Variants in KLC1 observed in about 807,000 individuals in gnomAD.
KLC1 encodes the protein kinesin light chain 1.
In KLC1, 30 loss-of-function variants were observed where a neutral mutation model predicts 84.2. The ratio of observed to expected loss-of-function variants is 0.36; its 90% confidence interval spans 0.27 to 0.48. The LOEUF (loss-of-function observed/expected upper bound fraction) is 0.48, where lower values mean the gene tolerates loss of function less well. Among genes scored for constraint, KLC1 ranks in the 20% least tolerant of loss-of-function variants. KLC1 has a pLI of 0.99. For synonymous variants in KLC1, 289 were observed against 293.3 expected (o/e 0.99, Z 0.15); for missense variants, 499 against 805.4 (o/e 0.62, Z 4.60).
Position 103,694,909 on chromosome 14 carries a change from C to T in KLC1, c.1848+2484C>T, listed in dbSNP as rs750331559. Reference sequence around the variant, plus strand: ...CGCAGGACTGCTGTGTTTGTGAAAGCGCGTTTGTTTCCACAAGACAAGCTC... The same window carrying T: ...CGCAGGACTGCTGTGTTTGTGAAAGTGCGTTTGTTTCCACAAGACAAGCTC... On this transcript the variant is annotated intron_variant, in intron 15 of 16. Coordinates refer to ENST00000334553, the MANE Select transcript of KLC1 (RefSeq NM_001394837.1). The surrounding 1 kb of genome is among the most constrained non-coding windows in gnomAD (Gnocchi z 4.5). 1.3e-5 allele frequency: 13 copies of T among 985,478 alleles called. No individual in the cohort carries two copies. The highest frequency in any genetic ancestry group is 1.7e-5 in the African/African-American group (1 of 57,366). The allele number at this position is 985,478 out of a possible 1,614,324, so 61.0% of individuals were successfully genotyped here. A position where few individuals can be genotyped will look rare whatever the true frequency, so the allele number is the denominator to read the frequency against.
At chr14:103,687,018 G>T in intron 13 of KLC1, 63 bp from the exon 14 acceptor site, 2 of 1,406,282 alleles carry the variant, frequency 1.4e-6, no homozygotes, top group Non-Finnish European at 1.9e-6. Flanking sequence ...TGCACCCGGT[G>T]TGGCTCTTGT....
chr14:103,629,810 C>T (rs1157267529), intron 1 of KLC1, among the ~76,000 whole-genome samples: 1 of 152,136 alleles, frequency 6.6e-6, no homozygotes, highest in African/African-American at 2.4e-5. Context: ...GCCCAGGGCC[C>T]CGCCCTGGCC....
intron 14 of KLC1, among the ~76,000 whole-genome samples, chr14:103,688,389 G>T (rs1465424825): frequency 2.0e-5 from 3 of 152,130 alleles, no homozygotes; most frequent in Non-Finnish European, 2.9e-5. Flanking sequence ...GACTTCAGGT[G>T]ATCTTCCCGT....
chr14:103,697,068 T>G, intron 15 of KLC1: 3 of 985,478 alleles, frequency 3.0e-6, no homozygotes, highest in Non-Finnish European at 3.6e-6. Flanking sequence ...TCTCATTTTC[T>G]AATCGCTGGC....
chr14:103,658,321 C>T (rs1299390622), intron 3 of KLC1, among the ~76,000 whole-genome samples: 1 of 152,056 alleles, frequency 6.6e-6, no homozygotes, highest in Non-Finnish European at 1.5e-5. Context: ...AGTGCAATGG[C>T]ACAATCTTGG....
intron 1 of KLC1, among the ~76,000 whole-genome samples, chr14:103,640,509 C>T (rs1282057470): frequency 2.6e-5 from 4 of 152,000 alleles, no homozygotes; most frequent in South Asian, 2.1e-4. Context: ...CACAGGCGCC[C>T]GCCACCACGC....
chr14:103,648,530 C>T (rs1375643444), intron 1 of KLC1, among the ~76,000 whole-genome samples: 1 of 151,968 alleles, frequency 6.6e-6, no homozygotes, highest in Non-Finnish European at 1.5e-5. Flanking sequence ...TGCCTGTAAT[C>T]GCAGCACTTT....
chr14:103,652,919 C>A (rs1595360987), intron 1 of KLC1, among the ~76,000 whole-genome samples: 1 of 152,192 alleles, frequency 6.6e-6, no homozygotes, highest in Admixed American at 6.6e-5. Context: ...AAAAGAAAAT[C>A]ATTTTTCCAG....
intron 1 of KLC1, among the ~76,000 whole-genome samples, chr14:103,651,271 G>C (rs571483674): frequency 6.6e-6 from 1 of 152,192 alleles, no homozygotes; most frequent in Non-Finnish European, 1.5e-5. Flanking sequence ...GCCTCCCAGA[G>C]TGCTAGGATT....
chr14:103,686,379 C>A, intron 13 of KLC1: 1 of 204,762 alleles, frequency 4.9e-6, no homozygotes, highest in Non-Finnish European at 8.6e-6. Context: ...ATCTTCTTCA[C>A]TCTGTGTTTT....
At chr14:103,651,803 C>A (rs1276962209) in intron 1 of KLC1, among the ~76,000 whole-genome samples, 1 of 152,192 alleles carries the variant, frequency 6.6e-6, no homozygotes, top group African/African-American at 2.4e-5. Flanking sequence ...ATCTTAGTAG[C>A]CCTTACTAGC....
At chr14:103,664,194 C>G (rs2079549680) in intron 5 of KLC1, among the ~76,000 whole-genome samples, 1 of 152,154 alleles carries the variant, frequency 6.6e-6, no homozygotes. Context: ...CTCTGTCACC[C>G]AGGCTGGAGT....
chr14:103,644,760 A>T (rs1159576521), intron 1 of KLC1, among the ~76,000 whole-genome samples: 1 of 152,184 alleles, frequency 6.6e-6, no homozygotes, highest in African/African-American at 2.4e-5. Context: ...GAAGAAAAAG[A>T]ATATTCTCTT....
chr14:103,642,104 A>G lies in KLC1; in HGVS notation c.-1-12460A>G, dbSNP rs542261742. 6.1e-4 allele frequency among the ~76,000 whole-genome samples: 92 copies of G among 151,898 alleles called. 2 individuals carry two copies. Among genetic ancestry groups the G allele is most frequent in the African/African-American group, 1.5e-3 (63 of 41,444 alleles). On this transcript the variant is annotated intron_variant, in intron 1 of 16. Coordinates refer to ENST00000334553, the MANE Select transcript of KLC1 (RefSeq NM_001394837.1). ...CACCACCATGCCCGGCTAATTTTGT[A>G]TTTTTAGTAGAGACGGGGTTTCACC...
intron 1 of KLC1, among the ~76,000 whole-genome samples, chr14:103,635,651 A>G (rs115189690): frequency 0.017 from 2,598 of 152,074 alleles, 67 homozygotes; most frequent in African/African-American, 0.055. Flanking sequence ...GTATTTGGGA[A>G]GCTGAGGTAG....
chr14:103,699,060 G>A (rs1384038698), intron 15 of KLC1: 1 of 1,563,842 alleles, frequency 6.4e-7, no homozygotes, highest in Non-Finnish European at 8.7e-7. Flanking sequence ...AGGCTTGGTG[G>A]CCCCGCCCAC....
At position 103,693,655 on chromosome 14, in the gene KLC1, G is replaced by A. The variant is rs750111759; in HGVS notation, c.1848+1230G>A. ...GCTAGGTAACCTGTCTTGGGAGTGTGAGACCGCCCCGCCCTGCCACGCCCC... is the reference window on the plus strand; with the variant it reads ...GCTAGGTAACCTGTCTTGGGAGTGTAAGACCGCCCCGCCCTGCCACGCCCC... On this transcript the variant is annotated intron_variant, in intron 15 of 16. Coordinates refer to ENST00000334553, the MANE Select transcript of KLC1 (RefSeq NM_001394837.1). This position sits in a 1 kb window ranked among gnomAD's most constrained non-coding sequence, Gnocchi z 5.1. 21 of 1,532,292 alleles carry A rather than the reference G, an allele frequency of 1.4e-5. No homozygotes were observed. In the African/African-American group the frequency reaches 2.1e-4, roughly 15 times the overall value. 94.9% of individuals were successfully genotyped at this position (1,532,292 alleles called of 1,614,324 possible). A position where few individuals can be genotyped will look rare whatever the true frequency, so the allele number is the denominator to read the frequency against.
At chr14:103,658,443 T>G (rs1412392349) in intron 3 of KLC1, among the ~76,000 whole-genome samples, 1 of 144,692 alleles carries the variant, frequency 6.9e-6, no homozygotes, top group African/African-American at 2.6e-5. Flanking sequence ...TTTTTTTTTT[T>G]TTTTTTTTTT....
chr14:103,638,551 G>T (rs2077224894), intron 1 of KLC1, among the ~76,000 whole-genome samples: 1 of 146,728 alleles, frequency 6.8e-6, no homozygotes. Flanking sequence ...CTTCATCACT[G>T]TAAGCTTTCC....
Sources: gnomAD v4.1 joint callset for allele counts (sites outside exome capture counted in the v4.1 genomes callset) on GRCh38, gnomAD v4.1.1 for gene constraint, Gnocchi (gnomAD v3.1) non-coding constraint, MANE v1.5 for transcripts, NCBI Gene and HGNC (gene_info 2026-07-23, HGNC 2026-07-21) for gene names.